Variants in OPHN1 observed in about 807,000 individuals in gnomAD.
OPHN1 encodes oligophrenin-1.
Under a neutral mutation model 60.7 loss-of-function variants are expected in OPHN1, and 11 were observed. The ratio of observed to expected loss-of-function variants is 0.18; its 90% CI spans 0.11 to 0.30. The LOEUF is 0.30. Among genes scored for constraint, OPHN1 ranks in the 10% least tolerant of loss-of-function variants. The pLI, the probability that OPHN1 is intolerant of heterozygous loss-of-function variation, is 1.00. For missense variants in OPHN1, 449 were observed against 611.0 expected (o/e 0.73, Z 2.80); for synonymous variants, 226 against 222.6 (o/e 1.02, Z -0.14).
chrX:68,118,015 C>G (rs1197077038), intron 16 of OPHN1, among the ~76,000 whole-genome samples: 7 of 111,973 alleles, frequency 6.3e-5, no homozygotes, highest in Non-Finnish European at 5.6e-5. Flanking sequence ...CTCATCACAA[C>G]AAGTCTTCTT....
chrX:68,431,847 T>C (rs1384793199), intron 2 of OPHN1, among the ~76,000 whole-genome samples: 3 of 111,525 alleles, frequency 2.7e-5, no homozygotes. Context: ...CAAAACAAAG[T>C]TATAACCATA....
intron 2 of OPHN1, among the ~76,000 whole-genome samples, chrX:68,302,756 C>CA (rs1413899696): frequency 1.8e-5 from 2 of 109,617 alleles, no homozygotes; most frequent in East Asian, 2.9e-4. Flanking sequence ...TGTCTCCACA[C>CA]AAAAAAATTT....
chrX:68,371,559 A>ATAAT (rs1198592829), intron 2 of OPHN1, among the ~76,000 whole-genome samples: 1 of 111,384 alleles, frequency 9.0e-6, no homozygotes, highest in Non-Finnish European at 1.9e-5. Context: ...CTGTTGGGTT[A>ATAAT]TAATTACCTA....
intron 2 of OPHN1, among the ~76,000 whole-genome samples, chrX:68,431,414 C>T (rs1350244361): frequency 9.0e-6 from 1 of 111,555 alleles, no homozygotes; most frequent in Non-Finnish European, 1.9e-5. Flanking sequence ...CAACACACTA[C>T]CACTTTCTTT....
intron 10 of OPHN1, among the ~76,000 whole-genome samples, chrX:68,202,334 G>A (rs1248171687): frequency 1.8e-5 from 2 of 111,704 alleles, no homozygotes; most frequent in African/African-American, 6.5e-5. Context: ...AGGACAGTGT[G>A]GCCCACTTTA....
At chrX:68,333,295 G>A (rs2078304602) in intron 2 of OPHN1, among the ~76,000 whole-genome samples, 1 of 108,755 alleles carries the variant, frequency 9.2e-6, no homozygotes, top group Admixed American at 1.0e-4. Flanking sequence ...GCATGCAAAT[G>A]TCATATAATG....
At chrX:68,243,185 G>T (rs906217195) in intron 5 of OPHN1, among the ~76,000 whole-genome samples, 1 of 111,241 alleles carries the variant, frequency 9.0e-6, no homozygotes, top group Non-Finnish European at 1.9e-5. Context: ...AATTCATAGA[G>T]AAGACAGAAA....
At chrX:68,344,555 C>T (rs905952013) in intron 2 of OPHN1, among the ~76,000 whole-genome samples, 3 of 108,942 alleles carry the variant, frequency 2.8e-5, no homozygotes, top group African/African-American at 1.0e-4. Context: ...GAGGTTGTAC[C>T]GAGCCGAGAT....
At chrX:68,082,293 A>G (rs1323183583) in intron 19 of OPHN1, among the ~76,000 whole-genome samples, 3 of 112,461 alleles carry the variant, frequency 2.7e-5, no homozygotes, top group African/African-American at 9.7e-5. Context: ...TAAATTATTA[A>G]TATTCTTAAT....
At chrX:68,075,615 C>G (rs2076950464) in intron 19 of OPHN1, among the ~76,000 whole-genome samples, 1 of 110,667 alleles carries the variant, frequency 9.0e-6, no homozygotes, top group East Asian at 2.8e-4. Context: ...ACAATTAAGA[C>G]AGTGTGGCAC....
chrX:68,053,248 A>G (rs1045898323), intron 22 of OPHN1, among the ~76,000 whole-genome samples: 2 of 112,557 alleles, frequency 1.8e-5, no homozygotes, highest in Non-Finnish European at 3.7e-5. Context: ...TTTGCTTAAA[A>G]TAAAAGCCTC....
intron 2 of OPHN1, among the ~76,000 whole-genome samples, chrX:68,309,614 T>TA: frequency 8.9e-6 from 1 of 112,198 alleles, no homozygotes; most frequent in Admixed American, 9.5e-5. Flanking sequence ...AATCAATACT[T>TA]ACGACATTTT....
intron 23 of OPHN1, 90 bp from the exon 24 acceptor site, chrX:68,048,547 G>A: frequency 1.3e-6 from 1 of 759,583 alleles, no homozygotes; most frequent in Non-Finnish European, 2.0e-6. Flanking sequence ...CTAGGCCAGT[G>A]CTAAAGAGGC....
At chrX:68,328,677 T>C (rs2078280191) in intron 2 of OPHN1, among the ~76,000 whole-genome samples, 1 of 111,502 alleles carries the variant, frequency 9.0e-6, no homozygotes, top group South Asian at 3.7e-4. Flanking sequence ...ATATAACAAA[T>C]AAAATACTAA....
chrX:68,421,194 T>TCTA (rs2078824879), intron 2 of OPHN1, among the ~76,000 whole-genome samples: 1 of 111,639 alleles, frequency 9.0e-6, no homozygotes, highest in African/African-American at 3.3e-5. Flanking sequence ...TCCCTCCCCT[T>TCTA]CTACTCTGCT....
chrX:68,356,101 G>C (rs2078439116), intron 2 of OPHN1, among the ~76,000 whole-genome samples: 1 of 111,029 alleles, frequency 9.0e-6, no homozygotes, highest in Non-Finnish European at 1.9e-5. Context: ...TTTTGGCTGG[G>C]GCACGGTGCC....
intron 14 of OPHN1, 102 bp from the exon 15 acceptor site, chrX:68,193,095 A>G (rs2077496367): frequency 1.6e-6 from 1 of 610,994 alleles, no homozygotes. Context: ...GTCACACTAC[A>G]TACTCCAAGT....
intron 6 of OPHN1, among the ~76,000 whole-genome samples, chrX:68,221,800 C>T (rs1400209261): frequency 6.5e-5 from 6 of 92,549 alleles, no homozygotes; most frequent in East Asian, 3.7e-4. Context: ...AAGACTTAAA[C>T]GTTAGACCTA....
intron 2 of OPHN1, among the ~76,000 whole-genome samples, chrX:68,416,584 A>T (rs992617957): frequency 8.9e-6 from 1 of 111,748 alleles, no homozygotes; most frequent in Non-Finnish European, 1.9e-5. Flanking sequence ...GGGGTAGGCA[A>T]TAGGAATACA....
Sources: gnomAD v4.1 joint callset for allele counts (sites outside exome capture counted in the v4.1 genomes callset) on GRCh38, gnomAD v4.1.1 for gene constraint, MANE v1.5 for transcripts, NCBI Gene and HGNC (gene_info 2026-07-23, HGNC 2026-07-21) for gene names.